The following CD28 variants were observed in gnomAD, a reference collection of about 807,000 sequenced individuals.
CD28 encodes the protein CD28 molecule.
A neutral mutation model predicts 21.4 loss-of-function variants in CD28; 8 were observed. The observed-to-expected ratio is 0.37, with a 90% confidence interval of 0.22 to 0.68. CD28 has a LOEUF of 0.68. CD28 is among the 30% of genes least tolerant of loss of function. CD28 has a pLI of 0.55. For missense variants in CD28, 239 were observed against 272.2 expected (o/e 0.88, Z 0.86); for synonymous variants, 106 against 104.0 (o/e 1.02, Z -0.12).
chr2:203,726,965 A>C lies in CD28; in HGVS notation c.385A>C (p.Asn129His). The C allele has an allele frequency of 6.2e-7, 1 of 1,600,164 alleles. No homozygotes were observed. Among genetic ancestry groups the C allele is most frequent in the South Asian group, 1.1e-5 (1 of 90,776 alleles). The change falls in exon 2 of 4, where the codon AAT becomes CAT. Residue 129 changes from asparagine (N) to histidine (H), a missense_variant. Transcript: ENST00000324106. Reference sequence around the variant, plus strand: ...TCCTTACCTAGACAATGAGAAGAGCAATGGAACCATTATCCATGTGAAAGG... The same window carrying C: ...TCCTTACCTAGACAATGAGAAGAGCCATGGAACCATTATCCATGTGAAAGG... ...PPPYLDNEKS[N>H]GTIIHVKGKH...
At chr2:203,707,496 C>T (rs938642777) in intron 1 of CD28, among the ~76,000 whole-genome samples, 2 of 152,194 alleles carry the variant, frequency 1.3e-5, no homozygotes, top group African/African-American at 4.8e-5. Context: ...ATTCTGGAGT[C>T]ACCACAGAAG....
At chr2:203,721,017 T>C (rs185082544) in intron 1 of CD28, among the ~76,000 whole-genome samples, 1 of 152,192 alleles carries the variant, frequency 6.6e-6, no homozygotes. Context: ...TGGGACCAAA[T>C]GCTATGAGGA....
chr2:203,730,464 C>T (rs1335253395), intron 3 of CD28, among the ~76,000 whole-genome samples: 2 of 152,144 alleles, frequency 1.3e-5, no homozygotes, highest in South Asian at 2.1e-4. Flanking sequence ...TTTTGATGAA[C>T]GCACCTACAG....
intron 3 of CD28, among the ~76,000 whole-genome samples, chr2:203,734,389 T>A (rs1209340998): frequency 6.6e-6 from 1 of 152,222 alleles, no homozygotes; most frequent in Non-Finnish European, 1.5e-5. Context: ...TTCGGTTAAT[T>A]ATGGAAAAAC....
At chr2:203,731,405 T>C (rs1693884976) in intron 3 of CD28, among the ~76,000 whole-genome samples, 1 of 152,224 alleles carries the variant, frequency 6.6e-6, no homozygotes, top group African/African-American at 2.4e-5. Flanking sequence ...GCCTACCATA[T>C]GGCTTTTCAA....
In CD28 at chr2:203,738,313, T is replaced by C. The variant is rs1199433792; in HGVS notation, c.*3401T>C. ...GCCATTTGCACTGCCAGCTGGGAAC[T>C]ATACCAGACCTGGATACTGATCCCA... On this transcript the variant is annotated 3_prime_UTR_variant, in exon 4 of 4. Transcript: ENST00000324106. 1 of 152,204 alleles carries C rather than the reference T, an allele frequency of 6.6e-6. No homozygotes were observed. The highest frequency in any genetic ancestry group is 2.4e-5 in the African/African-American group (1 of 41,448). The allele number at this position is 152,204 out of a possible 1,614,324, so 9.4% of individuals were successfully genotyped here. A position where few individuals can be genotyped will look rare whatever the true frequency, so the allele number is the denominator to read the frequency against.
chr2:203,720,133 C>T (rs1458110706), intron 1 of CD28, among the ~76,000 whole-genome samples: 1 of 152,172 alleles, frequency 6.6e-6, no homozygotes, highest in Non-Finnish European at 1.5e-5. Context: ...CAGTACCTTG[C>T]TCACAAGCAG....
chr2:203,727,284 G>A (rs1693776398), intron 2 of CD28, among the ~76,000 whole-genome samples: 1 of 152,136 alleles, frequency 6.6e-6, no homozygotes, highest in African/African-American at 2.4e-5. Context: ...CAGAAAAGAG[G>A]TTACCATTAA....
At chr2:203,716,708 A>G (rs1489364530) in intron 1 of CD28, among the ~76,000 whole-genome samples, 1 of 152,222 alleles carries the variant, frequency 6.6e-6, no homozygotes, top group Non-Finnish European at 1.5e-5. Flanking sequence ...CATGTAGCAC[A>G]ATAATTTTTT....
At chr2:203,728,759 G>T (rs911917379) in intron 2 of CD28, among the ~76,000 whole-genome samples, 3 of 152,022 alleles carry the variant, frequency 2.0e-5, no homozygotes, top group Non-Finnish European at 4.4e-5. Context: ...TATATGAAAG[G>T]CATGCTACTT....
intron 3 of CD28, among the ~76,000 whole-genome samples, 155 bp downstream of exon 3, chr2:203,729,927 A>C (rs771952496): frequency 1.3e-5 from 2 of 152,152 alleles, no homozygotes; most frequent in African/African-American, 2.4e-5. Flanking sequence ...TAGCTTGTTC[A>C]ACTCTATCTG....
intron 1 of CD28, among the ~76,000 whole-genome samples, chr2:203,711,409 G>T (rs1693307890): frequency 6.6e-6 from 1 of 152,296 alleles, no homozygotes; most frequent in East Asian, 1.9e-4. Flanking sequence ...TGTTTATTTA[G>T]TCTCGTGTCA....
At chr2:203,733,805 G>A (rs777695817) in intron 3 of CD28, among the ~76,000 whole-genome samples, 1 of 152,204 alleles carries the variant, frequency 6.6e-6, no homozygotes, top group African/African-American at 2.4e-5. Context: ...GCTGTGTTTA[G>A]TAACATGGAA....
rs1271221666 is a variant in CD28, at chr2:203,729,701, G to A, written c.463G>A (p.Val155Met). ...LFPGPSKPFW[V>M]LVVVGGVLAC... ...TCCCGGACCTTCTAAGCCCTTTTGG[G>A]TGCTGGTGGTGGTTGGTGGAGTCCT... The change falls in exon 3 of 4, where the codon GTG (valine) becomes ATG (methionine). Residue 155 changes from valine to methionine, a missense_variant. Physicochemically the swap from Val to Met is conservative, Grantham distance 21 (BLOSUM62 1). Coordinates refer to ENST00000324106, the MANE Select transcript of CD28 (RefSeq NM_006139.4). The A allele has an allele frequency of 6.2e-7, 1 of 1,614,022 alleles. No individual in the cohort carries two copies. The highest frequency in any genetic ancestry group is 8.5e-7 in the Non-Finnish European group (1 of 1,179,960).
Position 203,729,632 on chromosome 2 carries a change from CTA to C in CD28, c.410-14_410-13del, listed in dbSNP as rs1471377414. 1 of 1,611,490 alleles carries C rather than the reference CTA, an allele frequency of 6.2e-7. No individual in the cohort carries two copies. Among genetic ancestry groups the C allele is most frequent in the Non-Finnish European group, 8.5e-7 (1 of 1,178,818 alleles). On this transcript the variant is annotated splice_polypyrimidine_tract_variant and intron_variant, in intron 2 of 3. Coordinates refer to ENST00000324106, the MANE Select transcript of CD28 (RefSeq NM_006139.4). ...CTATTCCTGTATCATTTAATCCACT[CTA>C]TTTTGTTTTTCAGGGAAACACCTTT...
intron 1 of CD28, among the ~76,000 whole-genome samples, chr2:203,714,883 G>A (rs1209350794): frequency 1.3e-5 from 2 of 152,098 alleles, no homozygotes; most frequent in Non-Finnish European, 2.9e-5. Context: ...ACTTTGAGGG[G>A]GCAATGCTGC....
intron 3 of CD28, among the ~76,000 whole-genome samples, chr2:203,731,987 C>A (rs1214780525): frequency 6.6e-6 from 1 of 152,236 alleles, no homozygotes; most frequent in South Asian, 2.1e-4. Flanking sequence ...ACAAGTTTGT[C>A]TATATTTCGT....
chr2:203,726,518 A>G (rs953685846), intron 1 of CD28, 115 bp from the exon 2 acceptor site: 5 of 729,758 alleles, frequency 6.9e-6, no homozygotes, highest in African/African-American at 5.3e-5. Context: ...ATCTTCTGCC[A>G]AGAGAAAACC....
intron 1 of CD28, among the ~76,000 whole-genome samples, chr2:203,719,888 G>C (rs1003303612): frequency 1.3e-5 from 2 of 152,154 alleles, no homozygotes; most frequent in African/African-American, 2.4e-5. Flanking sequence ...TTGATGCTGG[G>C]AGCCACACCT....
Sources: allele counts gnomAD v4.1 joint callset (sites outside exome capture counted in the v4.1 genomes callset), GRCh38; gene constraint gnomAD v4.1.1; transcripts MANE v1.5; gene names NCBI Gene and HGNC (gene_info 2026-07-23, HGNC 2026-07-21).